The following ANKRD45 variants were observed in gnomAD, a reference collection of about 807,000 sequenced individuals.
ANKRD45 encodes ankyrin repeat domain-containing protein 45.
Under a neutral mutation model 28.1 loss-of-function variants are expected in ANKRD45, and 21 were observed. The ratio of observed to expected loss-of-function variants is 0.75; its 90% CI spans 0.53 to 1.08. The LOEUF is 1.08. ANKRD45 is among the 50% of genes least tolerant of loss of function. The probability of loss-of-function intolerance (pLI) is 0.00; values close to 1 mark genes in which losing one functional copy is unlikely to be tolerated. For missense variants in ANKRD45, 261 were observed against 308.7 expected, an observed-to-expected ratio of 0.85 and a Z score of 1.16; for synonymous variants, 86 against 103.9, an observed-to-expected ratio of 0.83 and a Z score of 1.05.
upstream of ANKRD45, among the ~76,000 whole-genome samples, chr1:173,673,268 G>A (rs990012728): frequency 3.3e-5 from 5 of 151,962 alleles, no homozygotes; most frequent in South Asian, 2.1e-4. Context: ...ACATCACCAC[G>A]CCTTGCTAAT....
the ANKRD45 span, among the ~76,000 whole-genome samples, chr1:173,707,371 C>T: frequency 1.3e-5 from 2 of 151,528 alleles, no homozygotes; most frequent in Non-Finnish European, 2.9e-5. Context: ...CTTGCTCTAT[C>T]ACCCAGGCTG....
chr1:173,642,857 A>C (rs930571999), intron 3 of ANKRD45, among the ~76,000 whole-genome samples: 4 of 152,222 alleles, frequency 2.6e-5, no homozygotes, highest in African/African-American at 9.6e-5. Context: ...TGGAAACCGG[A>C]CACAGCAGCA....
chr1:173,647,916 T>A (rs1236697469), intron 2 of ANKRD45, among the ~76,000 whole-genome samples: 1 of 152,060 alleles, frequency 6.6e-6, no homozygotes, highest in African/African-American at 2.4e-5. Flanking sequence ...CCTGAGTAGC[T>A]GGGACTATAG....
the ANKRD45 span, among the ~76,000 whole-genome samples, chr1:173,696,687 G>A: frequency 2.0e-5 from 3 of 152,164 alleles, no homozygotes; most frequent in Non-Finnish European, 2.9e-5. Flanking sequence ...TTGTAGTATA[G>A]TTTGAAGTTG....
intron 3 of ANKRD45, chr1:173,635,712 G>A: frequency 6.5e-7 from 1 of 1,535,594 alleles, no homozygotes; most frequent in Non-Finnish European, 8.7e-7. Flanking sequence ...AAACTATGCT[G>A]CGACTTTGCT....
intron 2 of ANKRD45, among the ~76,000 whole-genome samples, chr1:173,654,975 T>A (rs572756088): frequency 1.3e-5 from 2 of 152,282 alleles, no homozygotes; most frequent in East Asian, 3.9e-4. Context: ...CTCTACACTG[T>A]TTATTCTAGT....
chr1:173,700,912 C>T, the ANKRD45 span, among the ~76,000 whole-genome samples: 1 of 152,168 alleles, frequency 6.6e-6, no homozygotes, highest in African/African-American at 2.4e-5. Context: ...AAAATTTTTG[C>T]AATCTACCCA....
At chr1:173,620,467 A>G (rs952536208) in intron 5 of ANKRD45, among the ~76,000 whole-genome samples, 5 of 152,218 alleles carry the variant, frequency 3.3e-5, no homozygotes, top group African/African-American at 9.6e-5. Context: ...TAAGAGGGAG[A>G]TTCACGGCAC....
At chr1:173,643,093 T>C (rs980379897) in intron 3 of ANKRD45, among the ~76,000 whole-genome samples, 6 of 152,138 alleles carry the variant, frequency 3.9e-5, no homozygotes, top group Admixed American at 1.3e-4. Context: ...TTAGATTATA[T>C]ATAGAATAGA....
intron 3 of ANKRD45, among the ~76,000 whole-genome samples, chr1:173,628,414 G>A (rs774683227): frequency 6.6e-5 from 10 of 152,062 alleles, no homozygotes; most frequent in Non-Finnish European, 1.3e-4. Flanking sequence ...GCCCTGAAGG[G>A]AGAAACCCAT....
At chr1:173,610,345 C>T (rs780160922) in intron 5 of ANKRD45, 130 bp from the exon 6 acceptor site, 23 of 808,210 alleles carry the variant, frequency 2.8e-5, no homozygotes, top group Non-Finnish European at 4.1e-5. Flanking sequence ...CTAATTCAAC[C>T]CTAGTGTTGT....
chr1:173,648,242 AT>A (rs1219671741), intron 2 of ANKRD45, among the ~76,000 whole-genome samples: 2 of 151,976 alleles, frequency 1.3e-5, no homozygotes, highest in African/African-American at 4.8e-5. Flanking sequence ...CCAGCCAATA[AT>A]TTTTTAAATA....
intron 2 of ANKRD45, among the ~76,000 whole-genome samples, chr1:173,647,215 G>C (rs1311105539): frequency 6.6e-6 from 1 of 152,104 alleles, no homozygotes; most frequent in South Asian, 2.1e-4. Context: ...TCATTTTATA[G>C]ACAAGGAAAC....
upstream of ANKRD45, among the ~76,000 whole-genome samples, chr1:173,671,954 C>T (rs1670276407): frequency 6.6e-6 from 1 of 151,952 alleles, no homozygotes; most frequent in African/African-American, 2.4e-5. Flanking sequence ...CCCACTTGGC[C>T]CTTTCCAAGT....
At chr1:173,654,498 A>AAT (rs2102377263) in intron 2 of ANKRD45, among the ~76,000 whole-genome samples, 1 of 152,306 alleles carries the variant, frequency 6.6e-6, no homozygotes, top group East Asian at 1.9e-4. Flanking sequence ...CTTTGTGGGT[A>AAT]ACCCAACCTT....
chr1:173,613,898 G>A (rs1387856436), intron 5 of ANKRD45, among the ~76,000 whole-genome samples: 9 of 152,192 alleles, frequency 5.9e-5, no homozygotes, highest in Admixed American at 2.0e-4. Context: ...AGTAGACATG[G>A]GAGACTTTTC....
At chr1:173,673,407 C>T (rs1008703528), upstream of ANKRD45, among the ~76,000 whole-genome samples, 1 of 152,110 alleles carries the variant, frequency 6.6e-6, no homozygotes, top group Non-Finnish European at 1.5e-5. Context: ...ACCACCACAC[C>T]CTGCCATATT....
the ANKRD45 span, among the ~76,000 whole-genome samples, chr1:173,704,921 C>G: frequency 6.6e-6 from 1 of 152,216 alleles, no homozygotes; most frequent in Non-Finnish European, 1.5e-5. Flanking sequence ...CAACAAAGGC[C>G]TCTGCAGCCC....
chr1:173,669,630 C>A (rs1425471119), intron 1 of ANKRD45, among the ~76,000 whole-genome samples, 187 bp downstream of exon 1: 1 of 152,158 alleles, frequency 6.6e-6, no homozygotes, highest in African/African-American at 2.4e-5. Flanking sequence ...CGATCCCTTG[C>A]GGCTGCCGGC....
Sources: gnomAD v4.1 joint callset for allele counts (sites outside exome capture counted in the v4.1 genomes callset) on GRCh38, gnomAD v4.1.1 for gene constraint, MANE v1.5 for transcripts, NCBI Gene and HGNC (gene_info 2026-07-23, HGNC 2026-07-21) for gene names.